The following LINGO2 variants were observed in gnomAD, a reference collection of about 807,000 sequenced individuals.
LINGO2 encodes leucine rich repeat and Ig domain containing 2, also known as leucine-rich repeat and immunoglobulin-like domain-containing nogo receptor-interacting protein 2.
Under a neutral mutation model 30.6 loss-of-function variants are expected in LINGO2, and 14 were observed. The ratio of observed to expected loss-of-function variants is 0.46; its 90% CI spans 0.30 to 0.72. LINGO2 has a LOEUF of 0.72. Among genes scored for constraint, LINGO2 ranks in the 30% least tolerant of loss-of-function variants. The pLI is 0.07. For missense variants in LINGO2, 729 were observed against 751.7 expected (o/e 0.97, Z 0.35); for synonymous variants, 317 against 288.5 (o/e 1.10, Z -1.00).
the LINGO2 span, among the ~76,000 whole-genome samples, chr9:28,999,754 T>A: frequency 6.6e-6 from 1 of 152,004 alleles, no homozygotes. Context: ...GAGTGTATAT[T>A]GTGCATTATA....
At chr9:28,993,422 A>C in the LINGO2 span, among the ~76,000 whole-genome samples, 1 of 152,214 alleles carries the variant, frequency 6.6e-6, no homozygotes, top group South Asian at 2.1e-4. Context: ...ATCATAGCCG[A>C]ATTCTACCAG....
chr9:28,216,026 T>C (rs1030977089), intron 4 of LINGO2, among the ~76,000 whole-genome samples: 3 of 151,878 alleles, frequency 2.0e-5, no homozygotes, highest in African/African-American at 7.2e-5. Flanking sequence ...CTTTTGGCAC[T>C]TCTGCAATTG....
At chr9:28,025,753 G>A (rs986310286) in intron 4 of LINGO2, among the ~76,000 whole-genome samples, 1 of 152,140 alleles carries the variant, frequency 6.6e-6, no homozygotes, top group Non-Finnish European at 1.5e-5. Flanking sequence ...GAGACATCAG[G>A]GTAGGCTTCC....
chr9:28,640,578 A>C (rs1827524403), intron 1 of LINGO2, among the ~76,000 whole-genome samples: 1 of 142,890 alleles, frequency 7.0e-6, no homozygotes, highest in Non-Finnish European at 1.5e-5. Flanking sequence ...CATTCATTTG[A>C]TCTTCCATCA....
chr9:28,248,565 G>A (rs926500664), intron 4 of LINGO2, among the ~76,000 whole-genome samples: 1 of 151,924 alleles, frequency 6.6e-6, no homozygotes, highest in African/African-American at 2.4e-5. Flanking sequence ...CACATCAGGG[G>A]GACTGTAGTC....
intron 4 of LINGO2, among the ~76,000 whole-genome samples, chr9:28,119,735 G>A (rs995480267): frequency 2.0e-5 from 3 of 152,104 alleles, no homozygotes; most frequent in Admixed American, 2.0e-4. Context: ...ATTACAGAGG[G>A]CTTGGTTAAT....
the LINGO2 span, among the ~76,000 whole-genome samples, chr9:28,748,492 T>A: frequency 2.6e-4 from 40 of 152,032 alleles, no homozygotes; most frequent in Admixed American, 3.9e-4. Flanking sequence ...TACACAATGA[T>A]TCATTACTAA....
chr9:29,085,695 T>C, the LINGO2 span, among the ~76,000 whole-genome samples: 2 of 152,114 alleles, frequency 1.3e-5, no homozygotes, highest in Admixed American at 1.3e-4. Context: ...AACCTAAACT[T>C]ACTCTAGCAC....
At chr9:28,213,467 A>C (rs919989058) in intron 4 of LINGO2, among the ~76,000 whole-genome samples, 103 of 151,580 alleles carry the variant, frequency 6.8e-4, no homozygotes, top group African/African-American at 2.2e-3. Context: ...ATAAGCCAGC[A>C]TGCCTTTCTT....
intron 3 of LINGO2, among the ~76,000 whole-genome samples, chr9:28,352,092 A>C (rs4111791): frequency 0.024 from 3,598 of 149,770 alleles, 41 homozygotes; most frequent in Middle Eastern, 0.045. Flanking sequence ...AACTGGCACA[A>C]GACAGGGATG....
At chr9:29,051,023 T>C in the LINGO2 span, among the ~76,000 whole-genome samples, 5 of 152,174 alleles carry the variant, frequency 3.3e-5, no homozygotes, top group Admixed American at 6.6e-5. Flanking sequence ...GCTACTTTTA[T>C]GTTCCCGGCA....
the LINGO2 span, among the ~76,000 whole-genome samples, chr9:28,822,112 T>C: frequency 6.6e-6 from 1 of 152,012 alleles, no homozygotes; most frequent in Non-Finnish European, 1.5e-5. Context: ...TCTCCCAAGG[T>C]CCTTATGCCC....
At chr9:29,076,705 G>T in the LINGO2 span, among the ~76,000 whole-genome samples, 6,147 of 150,954 alleles carry the variant, frequency 0.041, 193 homozygotes, top group Admixed American at 0.079. Context: ...AAGGGACAGG[G>T]TTAGGATTCT....
rs10968520 is a variant in LINGO2, at chr9:28,340,759, T to C, written c.-246+32077A>G. Among the ~76,000 whole-genome samples the C allele has an allele frequency of 6.7e-3, 1,027 of 152,150 alleles. 58 individuals are homozygous for C. The East Asian group carries it at 0.14, about 21-fold the overall frequency. On this transcript the variant is annotated intron_variant, in intron 3 of 5. Transcript: ENST00000379992. Reference sequence around the variant, plus strand: ...AGTCTGTCTTTGGAACATGAAGAAGTGGGTTTATGATGCTCATTATAGAAA... The same window carrying C: ...AGTCTGTCTTTGGAACATGAAGAAGCGGGTTTATGATGCTCATTATAGAAA...
Position 28,003,342 on chromosome 9 carries a change from T to TATAGATAGATAGATAG in LINGO2, c.-36+8997_-36+9012dup, listed in dbSNP as rs200150497. ...TGTTAACCATATAGATATATAGATA[T>TATAGATAGATAGATAG]ATAGATAGATAGATAGATAGATAGA... On this transcript the variant is annotated intron_variant, in intron 5 of 5. Transcript: ENST00000379992. Among the ~76,000 whole-genome samples the TATAGATAGATAGATAG allele has an allele frequency of 8.4e-4, 119 of 141,732 alleles. 1 individual carries two copies. Among genetic ancestry groups the TATAGATAGATAGATAG allele is most frequent in the South Asian group, 1.1e-3 (5 of 4,358 alleles). The allele number at this position is 141,732 out of a possible 152,430, so 93.0% of individuals were successfully genotyped here. A position where few individuals can be genotyped will look rare whatever the true frequency, so the allele number is the denominator to read the frequency against.
At position 28,634,164 on chromosome 9, in the gene LINGO2, C is replaced by G. The variant is rs541099795; in HGVS notation, c.-365+36036G>C. 9.8e-5 allele frequency among the ~76,000 whole-genome samples: 15 copies of G among 152,290 alleles called. No individual in the cohort carries two copies. The East Asian group carries it at 2.7e-3, about 27-fold the overall frequency. On this transcript the variant is annotated intron_variant, in intron 1 of 5. Coordinates refer to ENST00000379992, the Ensembl canonical transcript of LINGO2. ...CCCATGGAATTACATTTAGGTCTTA[C>G]TAGTTCCCATGAAATTTACTCTCAC... is the stretch of plus-strand genomic sequence containing the variant.
At chr9:28,486,934 A>G (rs1161934139) in intron 1 of LINGO2, among the ~76,000 whole-genome samples, 4 of 152,060 alleles carry the variant, frequency 2.6e-5, no homozygotes, top group African/African-American at 9.7e-5. Context: ...CAAAGAGAAA[A>G]AACATTTAAG....
the LINGO2 span, among the ~76,000 whole-genome samples, chr9:29,054,549 A>C: frequency 2.0e-5 from 3 of 152,176 alleles, no homozygotes; most frequent in Non-Finnish European, 4.4e-5. Flanking sequence ...GCAGTTTGCC[A>C]TAGTATCAAG....
the LINGO2 span, among the ~76,000 whole-genome samples, chr9:28,747,288 C>G: frequency 6.6e-6 from 1 of 151,912 alleles, no homozygotes. Flanking sequence ...TACTGGACAG[C>G]CCAACTCCAG....
Sources: allele counts gnomAD v4.1 joint callset (sites outside exome capture counted in the v4.1 genomes callset), GRCh38; gene constraint gnomAD v4.1.1; transcripts MANE v1.5; gene names NCBI Gene and HGNC (gene_info 2026-07-23, HGNC 2026-07-21).